ROBO2: variants seen among roughly 807,000 people sequenced by gnomAD.
ROBO2 encodes roundabout homolog 2.
In ROBO2, 53 loss-of-function variants were observed where a neutral mutation model predicts 160.8. The observed-to-expected ratio is 0.33, with a 90% CI of 0.26 to 0.41. The LOEUF is 0.41. ROBO2 is among the 10% of genes least tolerant of loss of function. ROBO2 has a pLI of 1.00. For synonymous variants in ROBO2, 664 were observed against 611.7 expected, an observed-to-expected ratio of 1.09 and a Z score of -1.26; for missense variants, 1,577 against 1,722.4, an observed-to-expected ratio of 0.92 and a Z score of 1.49.
intron 2 of ROBO2, among the ~76,000 whole-genome samples, chr3:76,136,535 G>A (rs187302905): frequency 6.6e-6 from 1 of 152,164 alleles, no homozygotes; most frequent in Admixed American, 6.6e-5. Flanking sequence ...TGTCTAAAAT[G>A]TTGCCAACAG....
intron 2 of ROBO2, among the ~76,000 whole-genome samples, chr3:77,440,409 G>A (rs1258476679): frequency 1.3e-5 from 2 of 152,118 alleles, no homozygotes; most frequent in South Asian, 4.2e-4. Context: ...ATCACATACC[G>A]GCTTTTTTCC....
intron 2 of ROBO2, among the ~76,000 whole-genome samples, chr3:76,059,459 T>G (rs2067986610): frequency 6.6e-6 from 1 of 152,230 alleles, no homozygotes; most frequent in Non-Finnish European, 1.5e-5. Context: ...TTTTGAGAAG[T>G]GTCTATTCAT....
chr3:77,007,875 T>A (rs1192884003), intron 2 of ROBO2, among the ~76,000 whole-genome samples: 3 of 152,096 alleles, frequency 2.0e-5, no homozygotes, highest in Non-Finnish European at 4.4e-5. Context: ...GGACTTTTTT[T>A]ATGGTATAAT....
intron 2 of ROBO2, among the ~76,000 whole-genome samples, chr3:76,115,553 T>C (rs1393117419): frequency 6.6e-6 from 1 of 152,062 alleles, no homozygotes; most frequent in Non-Finnish European, 1.5e-5. Context: ...AATAGATTCT[T>C]CCATATGATT....
chr3:77,375,987 TG>T (rs113380326), intron 2 of ROBO2, among the ~76,000 whole-genome samples: 16,871 of 152,000 alleles, frequency 0.11, 1,873 homozygotes, highest in African/African-American at 0.26. Context: ...AAGTAGGTCA[TG>T]TTTGTGCCTT....
At chr3:76,460,288 A>G (rs2078014191) in intron 2 of ROBO2, among the ~76,000 whole-genome samples, 2 of 152,304 alleles carry the variant, frequency 1.3e-5, no homozygotes, top group Admixed American at 6.5e-5. Context: ...TAGAAAACAT[A>G]TCAAGGTAAG....
chr3:76,233,997 A>G (rs575238714), intron 2 of ROBO2, among the ~76,000 whole-genome samples: 1 of 152,280 alleles, frequency 6.6e-6, no homozygotes, highest in Admixed American at 6.5e-5. Flanking sequence ...AGTAGACCCC[A>G]ATATCTGTTG....
intron 2 of ROBO2, among the ~76,000 whole-genome samples, chr3:77,296,078 C>T (rs1303213806): frequency 6.7e-6 from 1 of 150,120 alleles, no homozygotes; most frequent in East Asian, 2.0e-4. Flanking sequence ...CTAGATCACC[C>T]CAGATATGAA....
At chr3:75,952,141 T>G (rs191140506) in intron 2 of ROBO2, among the ~76,000 whole-genome samples, 57 of 152,062 alleles carry the variant, frequency 3.7e-4, no homozygotes, top group Non-Finnish European at 7.2e-4. Flanking sequence ...TACATTGAAA[T>G]GACTCACAAT....
At chr3:76,997,231 C>T (rs888493739) in intron 2 of ROBO2, among the ~76,000 whole-genome samples, 8 of 152,058 alleles carry the variant, frequency 5.3e-5, no homozygotes, top group Non-Finnish European at 1.0e-4. Flanking sequence ...TTAATCAATA[C>T]TTTTTATATA....
At chr3:76,395,192 A>T (rs1681290608) in intron 2 of ROBO2, among the ~76,000 whole-genome samples, 1 of 151,166 alleles carries the variant, frequency 6.6e-6, no homozygotes. Context: ...CCGCTCAACT[A>T]CATGGAAACT....
Position 77,019,877 on chromosome 3 carries a change from C to G in ROBO2, c.110-78137C>G, listed in dbSNP as rs543585414. Among the ~76,000 whole-genome samples, 210 of 152,164 alleles carry G rather than the reference C, an allele frequency of 1.4e-3. 1 individual carries two copies. Among genetic ancestry groups the G allele is most frequent in the African/African-American group, 4.6e-3 (191 of 41,500 alleles). On this transcript the variant is annotated intron_variant, in intron 2 of 26. Coordinates refer to the ROBO2 transcript ENST00000487694. The stretch of plus-strand genomic sequence containing the variant: ...CCTCTTGAAGTTAAAACTTTGGATC[C>G]CAGATTCAGATACATTTGAATTTGA...
intron 2 of ROBO2, among the ~76,000 whole-genome samples, chr3:76,961,064 T>G (rs1442197208): frequency 6.6e-6 from 1 of 152,002 alleles, no homozygotes; most frequent in Non-Finnish European, 1.5e-5. Context: ...CTCAATAAGA[T>G]TTCAATTTGG....
intron 2 of ROBO2, among the ~76,000 whole-genome samples, chr3:76,173,848 G>A (rs2073130360): frequency 6.6e-6 from 1 of 152,102 alleles, no homozygotes; most frequent in South Asian, 2.1e-4. Context: ...TGTCTTAGTA[G>A]AATGATTTAT....
intron 2 of ROBO2, among the ~76,000 whole-genome samples, chr3:75,942,917 A>T (rs1948120797): frequency 6.6e-6 from 1 of 152,168 alleles, no homozygotes. Context: ...AGTAGTTAGC[A>T]AGCCTTTTTA....
At chr3:77,312,167 G>A (rs2063604072) in intron 2 of ROBO2, among the ~76,000 whole-genome samples, 1 of 152,106 alleles carries the variant, frequency 6.6e-6, no homozygotes, top group Admixed American at 6.5e-5. Context: ...GTGACAGCCA[G>A]GGGAATTCCA....
chr3:75,945,215 T>C (rs1176867908), intron 2 of ROBO2, among the ~76,000 whole-genome samples: 1 of 152,086 alleles, frequency 6.6e-6, no homozygotes, highest in Admixed American at 6.6e-5. Flanking sequence ...GCCACATAAA[T>C]ATGCAAAGTA....
At chr3:76,157,454 A>T (rs2072452656) in intron 2 of ROBO2, among the ~76,000 whole-genome samples, 4 of 152,184 alleles carry the variant, frequency 2.6e-5, no homozygotes. Context: ...CAATGCGTGT[A>T]ATCTGTGAGT....
rs1310791276 is a variant in ROBO2, at chr3:76,556,148, G to A, written c.110-541866G>A. ...TGGAAGAAAGTGAGAAAGAAAGAAAGAAAAAAGAAAAACTCCATAGGTTGT... is the reference window on the plus strand; with the variant it reads ...TGGAAGAAAGTGAGAAAGAAAGAAAAAAAAAAGAAAAACTCCATAGGTTGT... On this transcript the variant is annotated intron_variant, in intron 2 of 26. Transcript: ENST00000487694. Among the ~76,000 whole-genome samples, 8 of 151,748 alleles carry A rather than the reference G, an allele frequency of 5.3e-5. No individual in the cohort carries two copies. In the South Asian group the frequency reaches 6.2e-4, roughly 12 times the overall value.
Sources: allele counts gnomAD v4.1 joint callset (sites outside exome capture counted in the v4.1 genomes callset), GRCh38; gene constraint gnomAD v4.1.1; transcripts MANE v1.5; gene names NCBI Gene and HGNC (gene_info 2026-07-23, HGNC 2026-07-21).